Variants in HCRTR2 observed in about 807,000 individuals in gnomAD.
HCRTR2 encodes the protein hypocretin receptor 2.
In HCRTR2, 22 loss-of-function variants were observed where a neutral mutation model predicts 49.0. The observed-to-expected ratio is 0.45, with a 90% CI of 0.32 to 0.64. The LOEUF is 0.64. Among genes scored for constraint, HCRTR2 ranks in the 30% least tolerant of loss-of-function variants. The pLI, the probability that HCRTR2 is intolerant of heterozygous loss-of-function variation, is 0.04. For synonymous variants in HCRTR2, 236 were observed against 205.3 expected (o/e 1.15, Z -1.28); for missense variants, 491 against 559.4 (o/e 0.88, Z 1.23).
chr6:55,173,876 T>G (rs1407319298), upstream of HCRTR2, among the ~76,000 whole-genome samples: 1 of 152,238 alleles, frequency 6.6e-6, no homozygotes, highest in Non-Finnish European at 1.5e-5. Context: ...AAGTACTAAG[T>G]TGGCAAATGT....
chr6:55,244,827 TG>T (rs1766400251), intron 1 of HCRTR2, among the ~76,000 whole-genome samples: 1 of 152,082 alleles, frequency 6.6e-6, no homozygotes, highest in South Asian at 2.1e-4. Context: ...CATCTTCAGT[TG>T]CTATTTGTAT....
intron 1 of HCRTR2, among the ~76,000 whole-genome samples, chr6:55,184,209 G>A (rs1022454830): frequency 4.6e-5 from 7 of 152,174 alleles, no homozygotes; most frequent in East Asian, 1.9e-4. Flanking sequence ...GATTACAGGC[G>A]AGAGCCACTG....
intron 1 of HCRTR2, among the ~76,000 whole-genome samples, chr6:55,122,672 G>C (rs1259291587): frequency 6.6e-6 from 1 of 151,990 alleles, no homozygotes; most frequent in African/African-American, 2.4e-5. Context: ...GCACACATAT[G>C]TTTATTGTGG....
At chr6:55,209,188 T>G (rs1765655517) in intron 1 of HCRTR2, among the ~76,000 whole-genome samples, 1 of 152,140 alleles carries the variant, frequency 6.6e-6, no homozygotes, top group Non-Finnish European at 1.5e-5. Flanking sequence ...GAGACATGAT[T>G]TAATCTCTAG....
At chr6:55,126,515 T>C (rs1264678127) in intron 1 of HCRTR2, among the ~76,000 whole-genome samples, 1 of 152,158 alleles carries the variant, frequency 6.6e-6, no homozygotes, top group African/African-American at 2.4e-5. Flanking sequence ...CAGCCAGAGC[T>C]CTCCTGTATG....
chr6:55,117,657 C>T (rs1392419622), intron 1 of HCRTR2, among the ~76,000 whole-genome samples: 1 of 150,896 alleles, frequency 6.6e-6, no homozygotes, highest in African/African-American at 2.4e-5. Context: ...GCAATTGCAC[C>T]TGTTGTAATT....
In HCRTR2 at chr6:55,277,274, C is replaced by G. The variant is rs1018621698; in HGVS notation, c.763-106C>G. 5 of 899,722 alleles carry G rather than the reference C, an allele frequency of 5.6e-6. No homozygotes were observed. In the African/African-American group the frequency reaches 8.2e-5, roughly 15 times the overall value. 55.7% of individuals were successfully genotyped at this position (899,722 alleles called of 1,614,324 possible). A position where few individuals can be genotyped will look rare whatever the true frequency, so the allele number is the denominator to read the frequency against. On this transcript the variant is annotated intron_variant, in intron 4 of 6. Transcript: ENST00000370862. The stretch of plus-strand genomic sequence containing the variant: ...GAAACAGGCGCTCAAACCTCCCACA[C>G]CTCAGGCGTCTGGAAGCCTTTCCTT...
chr6:55,149,781 G>T (rs556817184), intron 1 of HCRTR2, among the ~76,000 whole-genome samples: 1 of 152,102 alleles, frequency 6.6e-6, no homozygotes, highest in South Asian at 2.1e-4. Flanking sequence ...TGTATAAAAT[G>T]TGAAGACCTA....
At chr6:55,232,282 T>C (rs966105478) in intron 1 of HCRTR2, among the ~76,000 whole-genome samples, 1 of 152,174 alleles carries the variant, frequency 6.6e-6, no homozygotes, top group Non-Finnish European at 1.5e-5. Context: ...TATTCACTTA[T>C]TAAAATGCAC....
chr6:55,131,610 C>CA (rs1407659390), intron 1 of HCRTR2, among the ~76,000 whole-genome samples: 1 of 151,008 alleles, frequency 6.6e-6, no homozygotes, highest in Non-Finnish European at 1.5e-5. Context: ...TTTCGACAAG[C>CA]AAAAAAAGGC....
At chr6:55,240,810 T>A (rs537931133) in intron 1 of HCRTR2, 71 of 421,360 alleles carry the variant, frequency 1.7e-4, no homozygotes, top group South Asian at 1.2e-3. Context: ...GGTAGGTTTT[T>A]TGAAAATAGG....
In HCRTR2 at chr6:55,277,395, T is replaced by A. The variant is rs368394177; in HGVS notation, c.778T>A (p.Ser260Thr). ...CTCCTTTCAGATCCCTGGAACATCA[T>A]CTGTAGTTCAGAGAAAATGGAAGCC... ...LWCRQIPGTSSVVQRKWKPLQ... is the reference protein window; with the variant it reads ...LWCRQIPGTSTVVQRKWKPLQ... The change falls in exon 5 of 7, where the codon TCT becomes ACT. Residue 260 changes from serine (S) to threonine (T), a missense_variant. By Grantham distance (58) the Ser-to-Thr change is moderately conservative. Transcript: ENST00000370862. The A allele has an allele frequency of 4.3e-6, 7 of 1,613,480 alleles. No individual in the cohort carries two copies. Among genetic ancestry groups the A allele is most frequent in the Non-Finnish European group, 5.9e-6 (7 of 1,179,586 alleles).
intron 1 of HCRTR2, among the ~76,000 whole-genome samples, chr6:55,230,943 G>A (rs1766103409): frequency 6.6e-6 from 1 of 151,902 alleles, no homozygotes; most frequent in African/African-American, 2.4e-5. Flanking sequence ...CGAGGAGGCA[G>A]TAAGAAGTAT....
At chr6:55,238,827 G>A (rs4075174) in intron 1 of HCRTR2, among the ~76,000 whole-genome samples, 27,528 of 152,042 alleles carry the variant, frequency 0.18, 2,848 homozygotes, top group Non-Finnish European at 0.24. Context: ...ACAGATATGC[G>A]GTGAAAGAGA....
chr6:55,162,160 C>T (rs749784183), intron 1 of HCRTR2, among the ~76,000 whole-genome samples: 1 of 152,192 alleles, frequency 6.6e-6, no homozygotes, highest in Non-Finnish European at 1.5e-5. Flanking sequence ...GGCTTCATAC[C>T]TGGCATGCAA....
intron 1 of HCRTR2, among the ~76,000 whole-genome samples, chr6:55,241,427 T>G (rs536827182): frequency 6.6e-6 from 1 of 152,160 alleles, no homozygotes; most frequent in Non-Finnish European, 1.5e-5. Context: ...TGGCAAAGTG[T>G]GGAACTACAG....
intron 1 of HCRTR2, among the ~76,000 whole-genome samples, chr6:55,107,420 A>G (rs1241961605): frequency 6.6e-6 from 1 of 151,912 alleles, no homozygotes; most frequent in African/African-American, 2.4e-5. Context: ...AGGTATCTTT[A>G]TTTTTATCTC....
intron 1 of HCRTR2, among the ~76,000 whole-genome samples, chr6:55,123,013 A>G (rs1764223450): frequency 6.6e-6 from 1 of 151,758 alleles, no homozygotes; most frequent in Non-Finnish European, 1.5e-5. Context: ...ATATACCTAA[A>G]GTAAATGAGG....
chr6:55,187,563 A>G (rs1448376302), intron 1 of HCRTR2, among the ~76,000 whole-genome samples: 1 of 152,008 alleles, frequency 6.6e-6, no homozygotes, highest in African/African-American at 2.4e-5. Flanking sequence ...CAAAATTTAC[A>G]GAATGGGCTT....
Sources: gnomAD v4.1 joint callset for allele counts (sites outside exome capture counted in the v4.1 genomes callset) on GRCh38, gnomAD v4.1.1 for gene constraint, MANE v1.5 for transcripts, NCBI Gene and HGNC (gene_info 2026-07-23, HGNC 2026-07-21) for gene names.